Variants in CNTNAP2 observed in about 807,000 individuals in gnomAD.
CNTNAP2 encodes the protein contactin-associated protein-like 2.
In CNTNAP2, 98 loss-of-function variants were observed where a neutral mutation model predicts 155.2. The observed-to-expected ratio is 0.63, with a 90% CI of 0.54 to 0.75. CNTNAP2 has a LOEUF of 0.75. Among genes scored for constraint, CNTNAP2 ranks in the 30% least tolerant of loss-of-function variants. The pLI, the probability that CNTNAP2 is intolerant of heterozygous loss-of-function variation, is 0.00. For synonymous variants in CNTNAP2, 651 were observed against 631.2 expected (o/e 1.03, Z -0.47); for missense variants, 1,727 against 1,688.1 (o/e 1.02, Z -0.40).
chr7:147,211,404 A>G (rs774713280), intron 8 of CNTNAP2, among the ~76,000 whole-genome samples: 2 of 151,980 alleles, frequency 1.3e-5, no homozygotes, highest in Non-Finnish European at 2.9e-5. Flanking sequence ...CCATAGCTCA[A>G]CATCAAACTA....
At chr7:147,690,680 T>C (rs949797314) in intron 13 of CNTNAP2, among the ~76,000 whole-genome samples, 2 of 151,934 alleles carry the variant, frequency 1.3e-5, no homozygotes, top group African/African-American at 4.8e-5. Context: ...ATATTAGGAG[T>C]CACAGTTTTT....
chr7:148,084,185 C>A (rs888273128), intron 15 of CNTNAP2, among the ~76,000 whole-genome samples: 1 of 152,142 alleles, frequency 6.6e-6, no homozygotes, highest in South Asian at 2.1e-4. Context: ...TCTTTTAATG[C>A]GTTCATTACT....
At chr7:147,098,736 CA>C (rs1294242640) in intron 4 of CNTNAP2, among the ~76,000 whole-genome samples, 2 of 152,042 alleles carry the variant, frequency 1.3e-5, no homozygotes, top group Non-Finnish European at 2.9e-5. Flanking sequence ...ATTTGAGACA[CA>C]GTAAGGCCAA....
intron 2 of CNTNAP2, among the ~76,000 whole-genome samples, chr7:146,825,537 G>A (rs925124950): frequency 5.2e-4 from 79 of 152,104 alleles, no homozygotes; most frequent in African/African-American, 1.9e-3. Flanking sequence ...TTGATCTTGA[G>A]AACAATTCCT....
chr7:147,773,586 A>C (rs1797510170), intron 13 of CNTNAP2, among the ~76,000 whole-genome samples: 8 of 152,178 alleles, frequency 5.3e-5, no homozygotes, highest in Admixed American at 5.2e-4. Context: ...TGCTCTCTCA[A>C]TTTTCAAACT....
At chr7:148,307,066 A>G (rs1205093498) in intron 21 of CNTNAP2, among the ~76,000 whole-genome samples, 1 of 152,122 alleles carries the variant, frequency 6.6e-6, no homozygotes, top group Non-Finnish European at 1.5e-5. Context: ...GAGGGTAGAC[A>G]CCTGGCTGTC....
intron 10 of CNTNAP2, among the ~76,000 whole-genome samples, chr7:147,417,790 AG>A (rs1415548420): frequency 6.6e-6 from 1 of 152,224 alleles, no homozygotes; most frequent in African/African-American, 2.4e-5. Flanking sequence ...AAGGAGCCCC[AG>A]GCAAGAAAGA....
intron 1 of CNTNAP2, among the ~76,000 whole-genome samples, chr7:146,596,632 AGAGAGAGAAATTGTTGAGG>A (rs1798865148): frequency 6.7e-6 from 1 of 149,092 alleles, no homozygotes. Context: ...AGAGAGAGAG[AGAGAGAGAAATTGTTGAGG>A]GGCTAATGTG....
intron 6 of CNTNAP2, among the ~76,000 whole-genome samples, chr7:147,123,587 A>T (rs192624309): frequency 6.6e-6 from 1 of 152,376 alleles, no homozygotes; most frequent in Non-Finnish European, 1.5e-5. Flanking sequence ...ACAAAGAATC[A>T]GGGTAGACTT....
intron 3 of CNTNAP2, among the ~76,000 whole-genome samples, chr7:146,886,372 T>C (rs1365245622): frequency 6.6e-6 from 1 of 152,092 alleles, no homozygotes; most frequent in Non-Finnish European, 1.5e-5. Flanking sequence ...TTTATTGTTT[T>C]TAATGTTTAA....
At chr7:147,162,345 ATGT>A (rs1170244582) in intron 8 of CNTNAP2, among the ~76,000 whole-genome samples, 63 of 152,308 alleles carry the variant, frequency 4.1e-4, no homozygotes, top group African/African-American at 1.2e-3. Context: ...ATTATGAATA[ATGT>A]TGTACAGTAC....
chr7:146,671,182 T>C (rs1183651340), intron 1 of CNTNAP2, among the ~76,000 whole-genome samples: 1 of 152,172 alleles, frequency 6.6e-6, no homozygotes, highest in African/African-American at 2.4e-5. Context: ...ATTAGTATCC[T>C]CTTTCTCTAG....
chr7:147,010,155 A>G, intron 3 of CNTNAP2, among the ~76,000 whole-genome samples: 1 of 151,824 alleles, frequency 6.6e-6, no homozygotes, highest in Non-Finnish European at 1.5e-5. Flanking sequence ...GATTACAGGC[A>G]TGCGCAACCA....
At chr7:146,808,348 T>C (rs1399552623) in intron 2 of CNTNAP2, among the ~76,000 whole-genome samples, 9 of 152,238 alleles carry the variant, frequency 5.9e-5, no homozygotes, top group African/African-American at 2.2e-4. Flanking sequence ...GTAGAGAATG[T>C]AAACTAAACT....
chr7:147,689,323 G>T (rs1796057240), intron 13 of CNTNAP2, among the ~76,000 whole-genome samples: 1 of 151,544 alleles, frequency 6.6e-6, no homozygotes, highest in Admixed American at 6.6e-5. Context: ...TTAATTTTTT[G>T]ATTTTTAGTG....
intron 1 of CNTNAP2, among the ~76,000 whole-genome samples, chr7:146,304,526 T>C (rs900300792): frequency 2.0e-5 from 3 of 152,116 alleles, no homozygotes; most frequent in Admixed American, 6.6e-5. Context: ...CCTTCACTCA[T>C]GAAGCTTAGT....
chr7:148,010,815 G>A (rs930507754), intron 15 of CNTNAP2, among the ~76,000 whole-genome samples: 1 of 151,988 alleles, frequency 6.6e-6, no homozygotes, highest in Non-Finnish European at 1.5e-5. Context: ...ATACATGCAA[G>A]GGTCTCTTTT....
At chr7:148,018,588 A>G (rs545982626) in intron 15 of CNTNAP2, among the ~76,000 whole-genome samples, 2 of 152,376 alleles carry the variant, frequency 1.3e-5, no homozygotes, top group South Asian at 4.1e-4. Flanking sequence ...GGATGAAACT[A>G]CAGTGAACAT....
At chr7:147,768,615 T>G (rs902424001) in intron 13 of CNTNAP2, among the ~76,000 whole-genome samples, 5 of 152,170 alleles carry the variant, frequency 3.3e-5, no homozygotes, top group Non-Finnish European at 5.9e-5. Context: ...ATGATTCATT[T>G]GAGGCCACTT....
Sources: gnomAD v4.1 joint callset for allele counts (sites outside exome capture counted in the v4.1 genomes callset) on GRCh38, gnomAD v4.1.1 for gene constraint, MANE v1.5 for transcripts, NCBI Gene and HGNC (gene_info 2026-07-23, HGNC 2026-07-21) for gene names.